RALY: variants seen among roughly 807,000 people sequenced by gnomAD.
RALY encodes RNA-binding protein Raly.
Under a neutral mutation model 30.7 loss-of-function variants are expected in RALY, and 15 were observed. That is an observed-to-expected ratio of 0.49 (90% CI 0.33 to 0.75). The LOEUF is 0.75. RALY is among the 30% of genes least tolerant of loss of function. The pLI is 0.02. For missense variants in RALY, 339 were observed against 414.3 expected, an observed-to-expected ratio of 0.82 and a Z score of 1.58; for synonymous variants, 177 against 170.8, an observed-to-expected ratio of 1.04 and a Z score of -0.28.
At chr20:34,033,350 A>C (rs896912447) in intron 2 of RALY, 1 of 152,242 alleles carries the variant, frequency 6.6e-6, no homozygotes, top group Non-Finnish European at 1.5e-5. Context: ...TGTCTGTCTT[A>C]GCTCGTTTTA....
At position 34,029,085 on chromosome 20, in the gene RALY, C is replaced by T. The variant is rs183056872; in HGVS notation, c.-92-2437C>T. On this transcript the variant is annotated intron_variant, in intron 1 of 9. Coordinates refer to ENST00000246194, the MANE Select transcript of RALY (RefSeq NM_016732.3). ...GACCAGGGAAGAGACTCCTGTAAGT[C>T]TGCCTTTGTAATGTCAGTAAGTTTC... 2.0e-5 allele frequency among the ~76,000 whole-genome samples: 3 copies of T among 152,200 alleles called. No homozygotes were observed. The East Asian group carries it at 5.8e-4, about 29-fold the overall frequency.
At chr20:34,042,240 G>A (rs983446333) in intron 2 of RALY, among the ~76,000 whole-genome samples, 1 of 152,146 alleles carries the variant, frequency 6.6e-6, no homozygotes, top group African/African-American at 2.4e-5. Context: ...CGCTCCCGCC[G>A]AGGCAGCTGC....
chr20:34,074,255 C>T (rs2033811882), intron 5 of RALY, among the ~76,000 whole-genome samples: 1 of 152,148 alleles, frequency 6.6e-6, no homozygotes, highest in Admixed American at 6.5e-5. Context: ...CCCCAGAGCT[C>T]AGTCTAAGCT....
At chr20:34,078,605 G>A (rs6120512) in intron 9 of RALY, 52 bp downstream of exon 9, 1 of 1,465,132 alleles carries the variant, frequency 6.8e-7, no homozygotes, top group Non-Finnish European at 9.1e-7. Context: ...GTGAAGTGGA[G>A]GTTGTGCCTT....
intron 1 of RALY, among the ~76,000 whole-genome samples, chr20:34,026,570 AT>A (rs10712711): frequency 0.64 from 93,925 of 147,572 alleles, 30,552 homozygotes; most frequent in South Asian, 0.85. Flanking sequence ...TGCCCAGCTA[AT>A]TTTTTTTTTT....
chr20:34,021,837 TTTAAAAAATTTGTTC>T (rs2031834206), intron 1 of RALY, among the ~76,000 whole-genome samples: 1 of 151,934 alleles, frequency 6.6e-6, no homozygotes, highest in African/African-American at 2.4e-5. Context: ...CGGAACTCTT[TTTAAAAAATTTGTTC>T]TTTTAAATTT....
intron 2 of RALY, among the ~76,000 whole-genome samples, chr20:34,058,507 C>CTTA (rs2033322895): frequency 8.9e-6 from 1 of 112,224 alleles, no homozygotes; most frequent in Non-Finnish European, 1.9e-5. Flanking sequence ...CCCCATACTT[C>CTTA]TCAATGACTA....
intron 1 of RALY, among the ~76,000 whole-genome samples, chr20:34,012,164 C>T (rs1268023083): frequency 6.6e-6 from 1 of 152,072 alleles, no homozygotes; most frequent in Non-Finnish European, 1.5e-5. Flanking sequence ...GCCTCACACA[C>T]TCTTGGGCCA....
In RALY at chr20:34,078,659, A is replaced by G. The variant is rs187102115; in HGVS notation, c.*4+106A>G. 2.2e-3 allele frequency: 2,353 copies of G among 1,094,078 alleles called. 8 individuals are homozygous for G. The highest frequency in any genetic ancestry group is 0.015 in the Admixed American group (482 of 32,558). 67.8% of individuals were successfully genotyped at this position (1,094,078 alleles called of 1,614,324 possible). ...AAGTGTCACGAAGCATACCTGGCCA[A>G]GTAGCACTGACTATACCCAAGAATG... On this transcript the variant is annotated intron_variant, in intron 9 of 9. Coordinates refer to ENST00000246194, the MANE Select transcript of RALY (RefSeq NM_016732.3).
chr20:34,058,301 A>G (rs2033314487), intron 2 of RALY, among the ~76,000 whole-genome samples: 1 of 152,188 alleles, frequency 6.6e-6, no homozygotes, highest in African/African-American at 2.4e-5. Context: ...TTATGGTAGC[A>G]GGGCATCTTG....
intron 2 of RALY, among the ~76,000 whole-genome samples, chr20:34,062,454 T>G (rs2033445032): frequency 6.6e-6 from 1 of 152,222 alleles, no homozygotes. Context: ...GAAATGTGAC[T>G]AGGATAAACC....
chr20:34,081,762 C>G lies in RALY; in HGVS notation c.*1857C>G, dbSNP rs2034033731. On this transcript the variant is annotated 3_prime_UTR_variant, in exon 10 of 10. Transcript: ENST00000246194. Reference sequence around the variant, plus strand: ...GTGTAGCTCTGTGCTTTGATATTCCCAAGCTCTGCTGGGGCCTGACTAGGC... The same window carrying G: ...GTGTAGCTCTGTGCTTTGATATTCCGAAGCTCTGCTGGGGCCTGACTAGGC... 1 of 152,252 alleles carries G rather than the reference C, an allele frequency of 6.6e-6. No individual in the cohort carries two copies. The highest frequency in any genetic ancestry group is 1.5e-5 in the Non-Finnish European group (1 of 68,058). The allele number at this position is 152,252 out of a possible 1,614,324, so 9.4% of individuals were successfully genotyped here. A position where few individuals can be genotyped will look rare whatever the true frequency, so the allele number is the denominator to read the frequency against.
chr20:34,064,780 A>C (rs911740504), intron 2 of RALY, among the ~76,000 whole-genome samples: 8 of 152,286 alleles, frequency 5.3e-5, no homozygotes, highest in African/African-American at 1.9e-4. Context: ...CAGTTTCTTA[A>C]TACCTGCTAG....
chr20:34,023,528 C>T (rs556127544), intron 1 of RALY, among the ~76,000 whole-genome samples: 1 of 152,110 alleles, frequency 6.6e-6, no homozygotes, highest in South Asian at 2.1e-4. Flanking sequence ...GGACAATGGC[C>T]ATTGGTGGGG....
At chr20:34,040,698 A>G (rs2032667347) in intron 2 of RALY, among the ~76,000 whole-genome samples, 1 of 152,174 alleles carries the variant, frequency 6.6e-6, no homozygotes, top group Non-Finnish European at 1.5e-5. Flanking sequence ...CTTTAAATAG[A>G]TTATCTCCCT....
chr20:34,006,376 T>TCTTTATAAAGTGTAA (rs1171176189), intron 1 of RALY, among the ~76,000 whole-genome samples: 1 of 152,228 alleles, frequency 6.6e-6, no homozygotes, highest in Admixed American at 6.5e-5. Flanking sequence ...GCCATTACCA[T>TCTTTATAAAGTGTAA]CTTTATAAAG....
chr20:34,077,254 C>A lies in RALY; in HGVS notation c.876+9C>A. The A allele has an allele frequency of 1.2e-6, 2 of 1,613,562 alleles. No homozygotes were observed. The highest frequency in any genetic ancestry group is 1.7e-6 in the Non-Finnish European group (2 of 1,179,740). ...ACAGCGAGGAAGAGCTGGTGAGGGC[C>A]TGGCCAGGGGCACGACTGGGACTCG... On this transcript the variant is annotated intron_variant, in intron 8 of 9. Coordinates refer to ENST00000246194, the MANE Select transcript of RALY (RefSeq NM_016732.3).
At chr20:34,039,206 G>A (rs2032608354) in intron 2 of RALY, among the ~76,000 whole-genome samples, 1 of 152,254 alleles carries the variant, frequency 6.6e-6, no homozygotes, top group African/African-American at 2.4e-5. Flanking sequence ...GCTATCTATA[G>A]TAAGGTGTTA....
intron 2 of RALY, among the ~76,000 whole-genome samples, chr20:34,037,812 G>A (rs756700996): frequency 6.6e-6 from 1 of 152,168 alleles, no homozygotes; most frequent in Non-Finnish European, 1.5e-5. Context: ...TCAGGGTATG[G>A]GGATGAATGT....
Sources: allele counts gnomAD v4.1 joint callset (sites outside exome capture counted in the v4.1 genomes callset), GRCh38; gene constraint gnomAD v4.1.1; transcripts MANE v1.5; gene names NCBI Gene and HGNC (gene_info 2026-07-23, HGNC 2026-07-21).